ADGB: variants seen among roughly 807,000 people sequenced by gnomAD.
The protein encoded by ADGB is calpain-7-like protein.
ADGB carries 172 observed loss-of-function variants against 210.5 expected under a neutral mutation model. The observed-to-expected ratio is 0.82, with a 90% confidence interval of 0.72 to 0.93. The LOEUF (loss-of-function observed/expected upper bound fraction) is 0.93, where lower values mean the gene tolerates loss of function less well. ADGB is among the 40% of genes least tolerant of loss of function. The pLI is 0.00. For missense variants in ADGB, 2,025 were observed against 1,964.8 expected (o/e 1.03, Z -0.58); for synonymous variants, 658 against 662.7 (o/e 0.99, Z 0.11).
intron 15 of ADGB, 85 bp downstream of exon 15, chr6:146,717,154 T>C (rs969688162): frequency 4.4e-6 from 5 of 1,134,740 alleles, no homozygotes; most frequent in Non-Finnish European, 6.1e-6. Context: ...CATTAAGATT[T>C]ATTTTTGCAT....
intron 13 of ADGB, among the ~76,000 whole-genome samples, chr6:146,705,142 T>C (rs1776549773): frequency 6.6e-6 from 1 of 152,142 alleles, no homozygotes; most frequent in African/African-American, 2.4e-5. Context: ...TGATTTTGTA[T>C]CCTGAAACTT....
At chr6:146,706,025 A>C (rs2114550931) in intron 13 of ADGB, among the ~76,000 whole-genome samples, 1 of 151,016 alleles carries the variant, frequency 6.6e-6, no homozygotes, top group African/African-American at 2.4e-5. Flanking sequence ...CCTGGGCTCA[A>C]GCAGTCTTCC....
At chr6:146,813,100 T>A (rs1357273962) in intron 35 of ADGB, among the ~76,000 whole-genome samples, 1 of 152,208 alleles carries the variant, frequency 6.6e-6, no homozygotes. Flanking sequence ...TATGACAGAT[T>A]GAGTTTTTTG....
At chr6:146,641,290 G>A (rs950705241) in intron 2 of ADGB, among the ~76,000 whole-genome samples, 1 of 151,886 alleles carries the variant, frequency 6.6e-6, no homozygotes, top group Non-Finnish European at 1.5e-5. Flanking sequence ...TCATAGATAG[G>A]AAGAATCACT....
intron 19 of ADGB, among the ~76,000 whole-genome samples, chr6:146,726,547 A>C (rs1277809540): frequency 1.3e-5 from 2 of 152,120 alleles, no homozygotes; most frequent in Non-Finnish European, 2.9e-5. Flanking sequence ...TATGTGCTTT[A>C]TTTTCAAAGA....
chr6:146,627,670 C>T (rs1047384325), intron 1 of ADGB, among the ~76,000 whole-genome samples: 1 of 152,096 alleles, frequency 6.6e-6, no homozygotes, highest in Non-Finnish European at 1.5e-5. Context: ...GGGTAGCTTC[C>T]TCATGCACAT....
At chr6:146,765,722 T>C (rs1777563457) in intron 28 of ADGB, among the ~76,000 whole-genome samples, 1 of 151,758 alleles carries the variant, frequency 6.6e-6, no homozygotes, top group Non-Finnish European at 1.5e-5. Context: ...ATTTGTTTAC[T>C]ACTACTATTT....
chr6:146,718,027 G>C (rs1264161918), intron 16 of ADGB, among the ~76,000 whole-genome samples: 1 of 151,886 alleles, frequency 6.6e-6, no homozygotes, highest in African/African-American at 2.4e-5. Context: ...TTTCATCCCT[G>C]TTATCCTCAT....
At chr6:146,697,463 AAAAAT>A (rs1163106301) in intron 12 of ADGB, among the ~76,000 whole-genome samples, 1 of 152,182 alleles carries the variant, frequency 6.6e-6, no homozygotes, top group East Asian at 1.9e-4. Context: ...AAGTGGTTTA[AAAAAT>A]AAAATAGAAA....
intron 21 of ADGB, among the ~76,000 whole-genome samples, chr6:146,733,581 A>G (rs182228972): frequency 6.6e-6 from 1 of 152,300 alleles, no homozygotes; most frequent in Non-Finnish European, 1.5e-5. Flanking sequence ...AAGTAACCCT[A>G]CTTTTCTCTC....
chr6:146,788,365 A>C (rs1409579916), intron 32 of ADGB, 24 bp from the exon 33 acceptor site: 5 of 1,544,464 alleles, frequency 3.2e-6, no homozygotes, highest in Non-Finnish European at 3.5e-6. Flanking sequence ...CAGCTTTTTC[A>C]GTAATGCACA....
chr6:146,651,847 C>T (rs1775707904), intron 3 of ADGB, among the ~76,000 whole-genome samples: 1 of 152,114 alleles, frequency 6.6e-6, no homozygotes. Flanking sequence ...TTATGGCTAA[C>T]AGCAAGAAAG....
chr6:146,603,617 T>C (rs1355632592), intron 1 of ADGB, among the ~76,000 whole-genome samples: 2 of 152,154 alleles, frequency 1.3e-5, no homozygotes, highest in Non-Finnish European at 2.9e-5. Flanking sequence ...AAAATAATAT[T>C]AAGCCTTTCA....
Position 146,785,603 on chromosome 6 carries a change from T to A in ADGB, c.4213-7T>A. ...CTTTTAAAAAGCTGCTCATGTTTGTTTTTTAGGCTTCTCAGGCTCGTTTGC... is the reference window on the plus strand; with the variant it reads ...CTTTTAAAAAGCTGCTCATGTTTGTATTTTAGGCTTCTCAGGCTCGTTTGC... On this transcript the variant is annotated splice_region_variant and splice_polypyrimidine_tract_variant and intron_variant, in intron 31 of 35. Transcript: ENST00000397944. The A allele has an allele frequency of 6.5e-7, 1 of 1,548,462 alleles. No individual in the cohort carries two copies.
At chr6:146,791,457 C>A (rs973865453) in intron 33 of ADGB, among the ~76,000 whole-genome samples, 2 of 152,140 alleles carry the variant, frequency 1.3e-5, no homozygotes, top group African/African-American at 4.8e-5. Context: ...GATCTGCCCA[C>A]CTCAGTCTCC....
In ADGB at chr6:146,781,171, CAAAAAAA is replaced by C. The variant is rs71031009; in HGVS notation, c.3863-833_3863-827del. ...TGAAACCCCGTCTCTACTAAAAATA[CAAAAAAA>C]AAAAAAAAAAAAAAATTAGCCGGGC... On this transcript the variant is annotated intron_variant, in intron 29 of 35. Coordinates refer to ENST00000397944, the MANE Select transcript of ADGB (RefSeq NM_024694.4). 2.0e-3 allele frequency among the ~76,000 whole-genome samples: 182 copies of C among 90,964 alleles called. 3 individuals carry two copies. The East Asian group carries it at 0.047, about 23-fold the overall frequency. 59.7% of individuals were successfully genotyped at this position (90,964 alleles called of 152,430 possible). A position where few individuals can be genotyped will look rare whatever the true frequency, so the allele number is the denominator to read the frequency against.
intron 25 of ADGB, among the ~76,000 whole-genome samples, chr6:146,742,545 A>G (rs1472362086): frequency 6.6e-6 from 1 of 152,170 alleles, no homozygotes; most frequent in Non-Finnish European, 1.5e-5. Context: ...CATAATTTTT[A>G]AAAACTCACT....
chr6:146,606,749 C>G (rs961718428), intron 1 of ADGB, among the ~76,000 whole-genome samples: 1 of 152,054 alleles, frequency 6.6e-6, no homozygotes, highest in Non-Finnish European at 1.5e-5. Flanking sequence ...TAACCTGTTC[C>G]ATTGGCCTGT....
At chr6:146,737,988 C>T (rs1777104920) in intron 23 of ADGB, among the ~76,000 whole-genome samples, 1 of 152,182 alleles carries the variant, frequency 6.6e-6, no homozygotes, top group Admixed American at 6.5e-5. Context: ...AACTCAAATG[C>T]CAGTGGCATC....
Sources: allele counts gnomAD v4.1 joint callset (sites outside exome capture counted in the v4.1 genomes callset), GRCh38; gene constraint gnomAD v4.1.1; transcripts MANE v1.5; gene names NCBI Gene and HGNC (gene_info 2026-07-23, HGNC 2026-07-21).